Variants in XKR4 observed in about 807,000 individuals in gnomAD.
XKR4 encodes the protein XK related 4.
A neutral mutation model predicts 53.9 loss-of-function variants in XKR4; 12 were observed. The ratio of observed to expected loss-of-function variants is 0.22; its 90% CI spans 0.14 to 0.36. The LOEUF is 0.36. Among genes scored for constraint, XKR4 ranks in the 10% least tolerant of loss-of-function variants. The pLI is 1.00. For missense variants in XKR4, 799 were observed against 859.5 expected (o/e 0.93, Z 0.88); for synonymous variants, 354 against 362.4 (o/e 0.98, Z 0.26).
At chr8:55,237,851 C>T (rs1213791027) in intron 1 of XKR4, among the ~76,000 whole-genome samples, 2 of 152,112 alleles carry the variant, frequency 1.3e-5, no homozygotes, top group Non-Finnish European at 2.9e-5. Context: ...TGCTTCTAGA[C>T]TGGTGGAAAA....
chr8:55,442,859 T>G (rs1805290375), intron 2 of XKR4, among the ~76,000 whole-genome samples: 1 of 152,154 alleles, frequency 6.6e-6, no homozygotes, highest in South Asian at 2.1e-4. Flanking sequence ...GAAATGTGGT[T>G]TTTTTTGCAG....
intron 1 of XKR4, among the ~76,000 whole-genome samples, chr8:55,225,391 G>A (rs1444568878): frequency 6.6e-6 from 1 of 152,168 alleles, no homozygotes; most frequent in Admixed American, 6.5e-5. Flanking sequence ...AGTTAACATG[G>A]TGTTCTTTGC....
intron 1 of XKR4, among the ~76,000 whole-genome samples, chr8:55,308,755 AGACATCC>A (rs1187371770): frequency 6.6e-6 from 1 of 152,240 alleles, no homozygotes; most frequent in Non-Finnish European, 1.5e-5. Flanking sequence ...GAATCAGCCC[AGACATCC>A]TTCAACAGGT....
intron 1 of XKR4, among the ~76,000 whole-genome samples, chr8:55,236,177 AG>A (rs557270252): frequency 6.6e-4 from 101 of 152,316 alleles, no homozygotes; most frequent in African/African-American, 2.3e-3. Context: ...GGAACTAATG[AG>A]GTTCAGGTGG....
chr8:55,444,165 T>C (rs1805312457), intron 2 of XKR4, among the ~76,000 whole-genome samples: 2 of 151,750 alleles, frequency 1.3e-5, no homozygotes, highest in Admixed American at 1.3e-4. Context: ...AGCCAGACTG[T>C]CTCCAAAAAC....
chr8:55,497,541 C>G (rs546749382), intron 2 of XKR4, among the ~76,000 whole-genome samples: 1 of 152,198 alleles, frequency 6.6e-6, no homozygotes, highest in South Asian at 2.1e-4. Flanking sequence ...TATTGTCTTC[C>G]CAAGAAGACC....
At chr8:55,286,896 T>C (rs1421987704) in intron 1 of XKR4, among the ~76,000 whole-genome samples, 1 of 152,212 alleles carries the variant, frequency 6.6e-6, no homozygotes, top group Non-Finnish European at 1.5e-5. Flanking sequence ...TAATGAAAGA[T>C]ACATAAAGTG....
At chr8:55,241,378 C>G (rs1008193674) in intron 1 of XKR4, among the ~76,000 whole-genome samples, 2 of 152,146 alleles carry the variant, frequency 1.3e-5, no homozygotes, top group Non-Finnish European at 2.9e-5. Flanking sequence ...GTTGCAGGAG[C>G]ATTTTAATCA....
At chr8:55,352,781 A>T (rs1034513739) in intron 1 of XKR4, among the ~76,000 whole-genome samples, 5 of 152,212 alleles carry the variant, frequency 3.3e-5, no homozygotes, top group Non-Finnish European at 7.3e-5. Flanking sequence ...TTAGTAGATT[A>T]AAGAACCAAA....
At position 55,525,703 on chromosome 8, in the gene XKR4, G is replaced by GA. The variant is rs1204528637; in HGVS notation, c.*1478dup. The GA allele has an allele frequency of 2.6e-5, 4 of 152,612 alleles. No homozygotes were observed. Among genetic ancestry groups the GA allele is most frequent in the Non-Finnish European group, 5.9e-5 (4 of 68,016 alleles). The allele number at this position is 152,612 out of a possible 1,614,324, so 9.5% of individuals were successfully genotyped here. Reference sequence around the variant, plus strand: ...ATTTTTTTATAGTTGGTGCAGAGTGGAATAACTCATGGATTATTTCAATAT... The same window carrying GA: ...ATTTTTTTATAGTTGGTGCAGAGTGGAAATAACTCATGGATTATTTCAATAT... On this transcript the variant is annotated 3_prime_UTR_variant, in exon 3 of 3. Transcript: ENST00000327381.
intron 2 of XKR4, among the ~76,000 whole-genome samples, chr8:55,442,317 A>C (rs1563350897): frequency 6.6e-6 from 1 of 152,222 alleles, no homozygotes; most frequent in African/African-American, 2.4e-5. Flanking sequence ...TAAGACCAAA[A>C]AGATAGACCC....
At chr8:55,113,779 C>T (rs940854968) in intron 1 of XKR4, among the ~76,000 whole-genome samples, 1 of 152,048 alleles carries the variant, frequency 6.6e-6, no homozygotes, top group African/African-American at 2.4e-5. Flanking sequence ...TCTGTATGTC[C>T]ATGTGTACCC....
At chr8:55,208,300 C>T (rs1715373036) in intron 1 of XKR4, among the ~76,000 whole-genome samples, 1 of 152,152 alleles carries the variant, frequency 6.6e-6, no homozygotes, top group South Asian at 2.1e-4. Context: ...TGTTCTGTGA[C>T]ATGCCTAGTA....
chr8:55,438,364 G>C (rs556849759), intron 2 of XKR4, among the ~76,000 whole-genome samples: 49 of 152,214 alleles, frequency 3.2e-4, no homozygotes, highest in Middle Eastern at 3.4e-3. Context: ...GAGGCGGGCA[G>C]ATCACAAGGT....
intron 2 of XKR4, among the ~76,000 whole-genome samples, chr8:55,461,476 A>T (rs556802447): frequency 6.6e-6 from 1 of 152,352 alleles, no homozygotes; most frequent in African/African-American, 2.4e-5. Context: ...CCAACTGTAC[A>T]TCACTATCAT....
At position 55,102,849 on chromosome 8, in the gene XKR4, G is replaced by A. The variant is rs1438062594; in HGVS notation, c.361G>A (p.Val121Met). ...CCTCTGGATCCTGGCCGCCGTGGCC[G>A]TGTACTTCGCGGACGTGGGCACAGA... ...DCLWILAAVA[V>M]YFADVGTDVW... The change falls in exon 1 of 3, where the codon GTG (valine) becomes ATG (methionine). Residue 121 changes from valine (V) to methionine (M), a missense_variant. Coordinates refer to ENST00000327381, the MANE Select transcript of XKR4 (RefSeq NM_052898.2). This position sits in a 1 kb window ranked among gnomAD's most constrained non-coding sequence, Gnocchi z 5.1. 3 of 1,611,456 alleles carry A rather than the reference G, an allele frequency of 1.9e-6. No individual in the cohort carries two copies. Among genetic ancestry groups the A allele is most frequent in the Admixed American group, 1.7e-5 (1 of 60,020 alleles).
intron 1 of XKR4, among the ~76,000 whole-genome samples, chr8:55,240,171 T>A (rs1818189922): frequency 6.6e-6 from 1 of 152,162 alleles, no homozygotes; most frequent in South Asian, 2.1e-4. Context: ...ATTAATCATA[T>A]CCTTTTCTAA....
chr8:55,335,018 C>T (rs61625102), intron 1 of XKR4, among the ~76,000 whole-genome samples: 4,532 of 152,242 alleles, frequency 0.03, 219 homozygotes, highest in African/African-American at 0.1. Flanking sequence ...TATGAAACTG[C>T]TCCATGTATG....
intron 2 of XKR4, among the ~76,000 whole-genome samples, chr8:55,519,629 T>C (rs545633166): frequency 6.6e-6 from 1 of 152,358 alleles, no homozygotes; most frequent in African/African-American, 2.4e-5. Context: ...GACTTGATCC[T>C]GTATAGGGGA....
Sources: allele counts gnomAD v4.1 joint callset (sites outside exome capture counted in the v4.1 genomes callset), GRCh38; gene constraint gnomAD v4.1.1; non-coding constraint Gnocchi (gnomAD v3.1); transcripts MANE v1.5; gene names NCBI Gene and HGNC (gene_info 2026-07-23, HGNC 2026-07-21).